The following HS6ST2 variants were observed in gnomAD, a reference collection of about 807,000 sequenced individuals.
The protein encoded by HS6ST2 is heparan sulfate 6-O-sulfotransferase 2.
HS6ST2 carries 17 observed loss-of-function variants against 33.0 expected under a neutral mutation model. The ratio of observed to expected loss-of-function variants is 0.52; its 90% CI spans 0.35 to 0.77. The LOEUF is 0.77. Among genes scored for constraint, HS6ST2 ranks in the 30% least tolerant of loss-of-function variants. HS6ST2 has a pLI of 0.01. For missense variants in HS6ST2, 519 were observed against 551.7 expected, an observed-to-expected ratio of 0.94 and a Z score of 0.59; for synonymous variants, 248 against 237.1, an observed-to-expected ratio of 1.05 and a Z score of -0.42.
chrX:132,693,031 G>T (rs958459424), intron 3 of HS6ST2, among the ~76,000 whole-genome samples: 3 of 111,815 alleles, frequency 2.7e-5, no homozygotes, highest in Non-Finnish European at 3.8e-5. Context: ...TTTTGTAGGG[G>T]TATGAAATGA....
chrX:132,759,180 G>A (rs1478139803), intron 2 of HS6ST2, among the ~76,000 whole-genome samples: 1 of 111,424 alleles, frequency 9.0e-6, no homozygotes, highest in Non-Finnish European at 1.9e-5. Context: ...GTTTATAGGG[G>A]GTTTAGAAAA....
Position 132,796,902 on chromosome X carries a change from T to C in HS6ST2, c.948-88408A>G, listed in dbSNP as rs2065185608. Among the ~76,000 whole-genome samples the C allele has an allele frequency of 2.7e-5, 3 of 112,370 alleles. No homozygotes were observed. In the Admixed American group the frequency reaches 2.8e-4, roughly 11 times the overall value. ...ACTTCTTATTTTCTTCAGCCTACTT[T>C]AAGTAACTGAGAGCTTAATGTAAAC... On this transcript the variant is annotated intron_variant, in intron 2 of 4. Coordinates refer to ENST00000370833, the MANE Select transcript of HS6ST2 (RefSeq NM_001394073.1).
chrX:132,656,964 C>T (rs1468518754), intron 4 of HS6ST2, among the ~76,000 whole-genome samples: 1 of 111,674 alleles, frequency 9.0e-6, no homozygotes, highest in Non-Finnish European at 1.9e-5. Context: ...GCTCTATGAA[C>T]TCAGGCTCAA....
chrX:132,812,128 C>A (rs952308378), intron 2 of HS6ST2, among the ~76,000 whole-genome samples: 9 of 109,484 alleles, frequency 8.2e-5, no homozygotes, highest in Admixed American at 2.0e-4. Context: ...ACATCCTGGC[C>A]GGGCGCGGTG....
At chrX:132,943,040 A>T (rs2066904025) in intron 2 of HS6ST2, among the ~76,000 whole-genome samples, 1 of 112,454 alleles carries the variant, frequency 8.9e-6, no homozygotes, top group African/African-American at 3.2e-5. Flanking sequence ...CAATGTAAAA[A>T]GTATTTGAAA....
intron 2 of HS6ST2, among the ~76,000 whole-genome samples, chrX:132,838,457 T>A (rs187967501): frequency 9.0e-6 from 1 of 111,511 alleles, no homozygotes; most frequent in East Asian, 2.8e-4. Context: ...AAAGGGATGG[T>A]CTAAGGAGGC....
At chrX:132,792,582 C>G (rs1286133453) in intron 2 of HS6ST2, among the ~76,000 whole-genome samples, 1 of 111,839 alleles carries the variant, frequency 8.9e-6, no homozygotes, top group Non-Finnish European at 1.9e-5. Flanking sequence ...GTCATGCAAC[C>G]ATTGCCATAA....
chrX:132,862,039 T>C (rs191619099), intron 2 of HS6ST2, among the ~76,000 whole-genome samples: 2 of 112,220 alleles, frequency 1.8e-5, no homozygotes, highest in East Asian at 5.6e-4. Context: ...ATTTGAAATA[T>C]ATTTTCATAC....
intron 2 of HS6ST2, among the ~76,000 whole-genome samples, chrX:132,715,087 G>T (rs2064262109): frequency 8.9e-6 from 1 of 111,859 alleles, no homozygotes; most frequent in South Asian, 3.8e-4. Flanking sequence ...ACCCCAGGGT[G>T]CCTACCATAT....
rs1855781190 is a variant in HS6ST2 at position 132,683,350 on chromosome X, A to AT, written c.981-14152_981-14151insA. On this transcript the variant is annotated intron_variant, in intron 3 of 4. Transcript: ENST00000370833. ...TCTAGTTTTAGTTTCTGAGCACAGT[A>AT]CAGAGCCTTTGTTTCCTGCTCAGAC... 1.6e-4 allele frequency among the ~76,000 whole-genome samples: 18 copies of AT among 111,842 alleles called. No homozygotes were observed. The South Asian group carries it at 6.5e-3, about 40-fold the overall frequency.
chrX:132,869,499 T>C (rs1178662718), intron 2 of HS6ST2, among the ~76,000 whole-genome samples: 1 of 111,949 alleles, frequency 8.9e-6, no homozygotes, highest in African/African-American at 3.2e-5. Context: ...TTTATGAACA[T>C]TGACGTGAAA....
intron 2 of HS6ST2, among the ~76,000 whole-genome samples, chrX:132,725,191 TAATA>T (rs1000990455): frequency 1.6e-4 from 18 of 110,469 alleles, no homozygotes; most frequent in African/African-American, 5.9e-4. Flanking sequence ...GCAAAGGATA[TAATA>T]AATAAAGTGA....
chrX:132,891,402 T>C (rs2066310009), intron 2 of HS6ST2, among the ~76,000 whole-genome samples: 2 of 108,616 alleles, frequency 1.8e-5, no homozygotes, highest in African/African-American at 6.7e-5. Context: ...ATTATTATTC[T>C]ACTTTAAGTT....
intron 3 of HS6ST2, among the ~76,000 whole-genome samples, chrX:132,683,255 T>G (rs1057441827): frequency 1.8e-5 from 2 of 112,250 alleles, no homozygotes; most frequent in African/African-American, 3.2e-5. Flanking sequence ...CTTGCCAGGA[T>G]GTATCCATGA....
chrX:132,666,969 A>G (rs2063814851), intron 4 of HS6ST2, among the ~76,000 whole-genome samples: 1 of 111,143 alleles, frequency 9.0e-6, no homozygotes, highest in Non-Finnish European at 1.9e-5. Context: ...AAGCTAAGGA[A>G]ATGCATAGAC....
Position 132,664,033 on chromosome X carries a change from C to T in HS6ST2, c.1067+5080G>A, listed in dbSNP as rs759726354. On this transcript the variant is annotated intron_variant, in intron 4 of 4. Transcript: ENST00000370833. Reference sequence around the variant, plus strand: ...TTTTTTTCTTTTCTTTTTTTTGAGACGGAGTCTCACTCTGTCACCCAGGCT... The same window carrying T: ...TTTTTTTCTTTTCTTTTTTTTGAGATGGAGTCTCACTCTGTCACCCAGGCT... Among the ~76,000 whole-genome samples the T allele has an allele frequency of 2.1e-4, 24 of 111,891 alleles. No homozygotes were observed. In the East Asian group the frequency reaches 5.1e-3, roughly 24 times the overall value.
At chrX:132,773,151 T>C (rs1234982878) in intron 2 of HS6ST2, among the ~76,000 whole-genome samples, 2 of 99,637 alleles carry the variant, frequency 2.0e-5, no homozygotes, top group East Asian at 6.0e-4. Flanking sequence ...TGTGAATATA[T>C]TGATTATATA....
At chrX:132,632,982 G>A (rs1469131597) in intron 4 of HS6ST2, among the ~76,000 whole-genome samples, 7 of 107,467 alleles carry the variant, frequency 6.5e-5, no homozygotes, top group Non-Finnish European at 1.2e-4. Flanking sequence ...AGGCTGAGGC[G>A]AGAGGATCAC....
chrX:132,847,845 G>A (rs1459052566), intron 2 of HS6ST2, among the ~76,000 whole-genome samples: 1 of 112,228 alleles, frequency 8.9e-6, no homozygotes, highest in Non-Finnish European at 1.9e-5. Flanking sequence ...CCGAAGGGCT[G>A]GCATAGAGAA....
Sources: allele counts gnomAD v4.1 joint callset (sites outside exome capture counted in the v4.1 genomes callset), GRCh38; gene constraint gnomAD v4.1.1; transcripts MANE v1.5; gene names NCBI Gene and HGNC (gene_info 2026-07-23, HGNC 2026-07-21).